MAN2A1: variants seen among roughly 807,000 people sequenced by gnomAD.
MAN2A1 encodes the protein mannosidase alpha class 2A member 1, also known as alpha-mannosidase 2.
MAN2A1 carries 76 observed loss-of-function variants against 142.6 expected under a neutral mutation model. The ratio of observed to expected loss-of-function variants is 0.53; its 90% confidence interval spans 0.44 to 0.65. The LOEUF (loss-of-function observed/expected upper bound fraction) is 0.65. MAN2A1 is among the 30% of genes least tolerant of loss of function. The pLI is 0.00. For missense variants in MAN2A1, 1,311 were observed against 1,365.1 expected (o/e 0.96, Z 0.62); for synonymous variants, 559 against 473.2 (o/e 1.18, Z -2.35).
chr5:109,809,713 T>C (rs991015450), intron 12 of MAN2A1, among the ~76,000 whole-genome samples: 3 of 152,100 alleles, frequency 2.0e-5, no homozygotes, highest in African/African-American at 7.2e-5. Context: ...ACACACCAGG[T>C]GTATTTTCTC....
At position 109,855,719 on chromosome 5, in the gene MAN2A1, C is replaced by T. The variant is rs370109961; in HGVS notation, c.3171+385C>T. 9.2e-5 allele frequency among the ~76,000 whole-genome samples: 14 copies of T among 152,260 alleles called. 1 individual carries two copies. The highest frequency in any genetic ancestry group is 2.6e-4 in the Admixed American group (4 of 15,286). On this transcript the variant is annotated intron_variant, in intron 20 of 21. Transcript: ENST00000261483. ...AGGCTTTGTATTTTCGTACCTTTCT[C>T]TTGAGAATCACTGCAACTCAGTTTC...
intron 4 of MAN2A1, among the ~76,000 whole-genome samples, chr5:109,732,531 A>G (rs2112589095): frequency 6.6e-6 from 1 of 152,156 alleles, no homozygotes; most frequent in East Asian, 1.9e-4. Flanking sequence ...TCTTGAATTA[A>G]TTTTTGTATA....
intron 1 of MAN2A1, chr5:109,699,558 A>T (rs964885277): frequency 6.6e-6 from 1 of 151,460 alleles, no homozygotes; most frequent in Non-Finnish European, 1.5e-5. Context: ...GCATTTTTCA[A>T]AATGATATAC....
intron 4 of MAN2A1, among the ~76,000 whole-genome samples, chr5:109,735,963 A>C (rs986030821): frequency 8.9e-5 from 12 of 135,278 alleles, no homozygotes; most frequent in African/African-American, 3.5e-4. Flanking sequence ...TATATTTTCT[A>C]CCAGTACTGG....
chr5:109,768,997 A>G (rs958244532), intron 6 of MAN2A1, among the ~76,000 whole-genome samples: 2 of 152,232 alleles, frequency 1.3e-5, no homozygotes, highest in African/African-American at 4.8e-5. Context: ...AATTTGATAA[A>G]ATACGGATAC....
intron 16 of MAN2A1, among the ~76,000 whole-genome samples, chr5:109,824,642 G>GA (rs1420532834): frequency 1.3e-5 from 2 of 152,084 alleles, no homozygotes; most frequent in Admixed American, 1.3e-4. Flanking sequence ...AATTAGAAAA[G>GA]AAAAAATACT....
At chr5:109,846,495 G>A (rs17162344) in intron 18 of MAN2A1, among the ~76,000 whole-genome samples, 5,157 of 152,278 alleles carry the variant, frequency 0.034, 120 homozygotes, top group Middle Eastern at 0.054. Flanking sequence ...TGGCTTTGAG[G>A]ATTCCAAAAG....
intron 8 of MAN2A1, among the ~76,000 whole-genome samples, chr5:109,777,312 T>G (rs760709467): frequency 2.6e-5 from 4 of 152,128 alleles, no homozygotes; most frequent in Non-Finnish European, 5.9e-5. Context: ...ATTTCTCCTG[T>G]GGTTAATGAG....
At chr5:109,763,770 C>T (rs1291675955) in intron 5 of MAN2A1, among the ~76,000 whole-genome samples, 5 of 150,186 alleles carry the variant, frequency 3.3e-5, no homozygotes, top group African/African-American at 1.2e-4. Flanking sequence ...TTAATGTCTG[C>T]TTTTAACTTT....
chr5:109,783,454 T>C (rs1344786802), intron 9 of MAN2A1, among the ~76,000 whole-genome samples: 9 of 152,198 alleles, frequency 5.9e-5, no homozygotes, highest in Non-Finnish European at 1.3e-4. Flanking sequence ...GCCATGGATA[T>C]ACGTTAACAT....
chr5:109,733,494 A>G (rs375785203), intron 4 of MAN2A1, among the ~76,000 whole-genome samples: 3 of 152,090 alleles, frequency 2.0e-5, no homozygotes, highest in African/African-American at 7.2e-5. Context: ...TATTGGCTGT[A>G]GGTTTGTCAT....
In MAN2A1 at chr5:109,770,444, T is replaced by G. The variant is rs1436305096; in HGVS notation, c.1099T>G (p.Cys367Gly). 2 of 1,613,928 alleles carry G rather than the reference T, an allele frequency of 1.2e-6. No individual in the cohort carries two copies. The highest frequency in any genetic ancestry group is 1.7e-6 in the Non-Finnish European group (2 of 1,179,924). ...CACTTGTGGACCTGATCCTAAAATA[T>G]GCTGCCAGTTTGATTTTAAACGTCT... ...PHTCGPDPKI[C>G]CQFDFKRLPG... The change falls in exon 7 of 22, where the codon TGC (cysteine) becomes GGC (glycine). Residue 367 changes from cysteine (C) to glycine (G), a missense_variant. By Grantham distance (159) the Cys-to-Gly change is radical (BLOSUM62 -3). Transcript: ENST00000261483.
chr5:109,748,117 T>A (rs1427945656), intron 4 of MAN2A1, among the ~76,000 whole-genome samples: 1 of 152,170 alleles, frequency 6.6e-6, no homozygotes. Flanking sequence ...TATATAATGC[T>A]CTTATTTTAA....
At chr5:109,764,012 G>T (rs1485215056) in intron 5 of MAN2A1, among the ~76,000 whole-genome samples, 2 of 151,910 alleles carry the variant, frequency 1.3e-5, no homozygotes, top group Non-Finnish European at 2.9e-5. Context: ...TGTTGGTCAG[G>T]CTGGTCTCGA....
In MAN2A1 at chr5:109,867,157, GAAAAA is replaced by G. The variant is rs11351742; in HGVS notation, c.*176_*180del. On this transcript the variant is annotated 3_prime_UTR_variant, in exon 22 of 22. Coordinates refer to ENST00000261483, the MANE Select transcript of MAN2A1 (RefSeq NM_002372.4). Reference sequence around the variant, plus strand: ...CTTTTTTCTTTTACCAGTACAGTAAGAAAAAAAAAAAAAAAAAAAAAGCCATGCTA... The same window carrying G: ...CTTTTTTCTTTTACCAGTACAGTAAGAAAAAAAAAAAAAAAAGCCATGCTA... The G allele has an allele frequency of 5.1e-4, 48 of 93,814 alleles. No homozygotes were observed. The highest frequency in any genetic ancestry group is 7.1e-4 in the Non-Finnish European group (34 of 47,980). 5.8% of individuals were successfully genotyped at this position (93,814 alleles called of 1,614,324 possible). A position where few individuals can be genotyped will look rare whatever the true frequency, so the allele number is the denominator to read the frequency against.
intron 20 of MAN2A1, among the ~76,000 whole-genome samples, chr5:109,858,228 T>C (rs989180695): frequency 6.6e-6 from 1 of 152,244 alleles, no homozygotes; most frequent in Admixed American, 6.5e-5. Flanking sequence ...TGCCAGTTCC[T>C]GTGTTAGCCT....
intron 12 of MAN2A1, among the ~76,000 whole-genome samples, chr5:109,797,294 T>C (rs573907443): frequency 2.0e-5 from 3 of 147,868 alleles, no homozygotes; most frequent in Admixed American, 6.8e-5. Context: ...TCAAAAAGTT[T>C]TGAGTTATAA....
chr5:109,733,167 CT>C (rs1309093164), intron 4 of MAN2A1, among the ~76,000 whole-genome samples: 1 of 152,064 alleles, frequency 6.6e-6, no homozygotes, highest in African/African-American at 2.4e-5. Context: ...CTCTGTTTGT[CT>C]GTTATTGGTG....
rs139723167 is a variant in MAN2A1, at chr5:109,729,122, G to A, written c.536-220G>A. 1.7e-3 allele frequency among the ~76,000 whole-genome samples: 265 copies of A among 152,148 alleles called. 1 individual carries two copies. Among genetic ancestry groups the A allele is most frequent in the Middle Eastern group, 0.014 (4 of 294 alleles). ...ATTTTTCTCATTTCTATCTGAATTT[G>A]TGCAGTTTTCAGAGTGTTTTCATTG... On this transcript the variant is annotated intron_variant, in intron 3 of 21. Transcript: ENST00000261483.
Sources: gnomAD v4.1 joint callset for allele counts (sites outside exome capture counted in the v4.1 genomes callset) on GRCh38, gnomAD v4.1.1 for gene constraint, MANE v1.5 for transcripts, NCBI Gene and HGNC (gene_info 2026-07-23, HGNC 2026-07-21) for gene names.